The following EFR3A variants were observed in gnomAD, a reference collection of about 807,000 sequenced individuals.
The protein encoded by EFR3A is EFR3 homolog A.
Under a neutral mutation model 104.4 loss-of-function variants are expected in EFR3A, and 76 were observed. The ratio of observed to expected loss-of-function variants is 0.73; its 90% CI spans 0.60 to 0.88. The LOEUF is 0.88. EFR3A is among the 40% of genes least tolerant of loss of function. The pLI is 0.00. For missense variants in EFR3A, 985 were observed against 1,012.5 expected, an observed-to-expected ratio of 0.97 and a Z score of 0.37; for synonymous variants, 330 against 330.0, an observed-to-expected ratio of 1.00 and a Z score of 0.00.
chr8:131,980,221 C>T (rs1428003605), intron 14 of EFR3A, among the ~76,000 whole-genome samples: 1 of 152,054 alleles, frequency 6.6e-6, no homozygotes, highest in Non-Finnish European at 1.5e-5. Flanking sequence ...TGCCTCTTTA[C>T]TAGACCATGC....
At chr8:131,966,835 C>T (rs1484912041) in intron 8 of EFR3A, among the ~76,000 whole-genome samples, 1 of 152,158 alleles carries the variant, frequency 6.6e-6, no homozygotes, top group Non-Finnish European at 1.5e-5. Context: ...AATGAAACCT[C>T]AGTACACATG....
chr8:131,958,705 C>G (rs1463192535), intron 7 of EFR3A, among the ~76,000 whole-genome samples: 2 of 151,978 alleles, frequency 1.3e-5, no homozygotes, highest in African/African-American at 4.8e-5. Flanking sequence ...TCAGGATGTG[C>G]TGTTTATTAG....
At chr8:131,919,469 CG>C (rs1335833434) in intron 1 of EFR3A, among the ~76,000 whole-genome samples, 1 of 151,666 alleles carries the variant, frequency 6.6e-6, no homozygotes. Flanking sequence ...TGGTGGCGGG[CG>C]CCCACTACTC....
intron 1 of EFR3A, among the ~76,000 whole-genome samples, chr8:131,905,769 A>G (rs538582190): frequency 6.6e-6 from 1 of 152,310 alleles, no homozygotes; most frequent in East Asian, 1.9e-4. Context: ...CTAATCTTTT[A>G]TTTTCTGAGA....
In EFR3A at chr8:131,923,509, T is replaced by TG. The variant is rs1459427738; in HGVS notation, c.11-16990_11-16989insG. ...CTGGGAAAATGTCAGGGTGTTTTTT[T>TG]TTTTTTTTTTTGACAAATTGGAAAT... On this transcript the variant is annotated intron_variant, in intron 1 of 22. Coordinates refer to ENST00000254624, the MANE Select transcript of EFR3A (RefSeq NM_015137.6). Among the ~76,000 whole-genome samples, 273 of 151,872 alleles carry TG rather than the reference T, an allele frequency of 1.8e-3. 2 individuals carry two copies. Among genetic ancestry groups the TG allele is most frequent in the African/African-American group, 6.4e-3 (265 of 41,484 alleles).
At chr8:131,957,851 C>A (rs1819093404) in intron 7 of EFR3A, among the ~76,000 whole-genome samples, 1 of 152,080 alleles carries the variant, frequency 6.6e-6, no homozygotes. Flanking sequence ...GCACAAGACA[C>A]TGATATTGTT....
chr8:131,935,539 C>T (rs16904553), intron 1 of EFR3A: 80,415 of 437,906 alleles, frequency 0.18, 8,353 homozygotes, highest in East Asian at 0.33. Flanking sequence ...ATATGTCAGT[C>T]AATTTCTATT....
At chr8:131,988,095 G>A (rs1022146137) in intron 18 of EFR3A, among the ~76,000 whole-genome samples, 1 of 151,996 alleles carries the variant, frequency 6.6e-6, no homozygotes, top group African/African-American at 2.4e-5. Context: ...TTCGTTATTT[G>A]AAAGAGTACA....
intron 1 of EFR3A, among the ~76,000 whole-genome samples, chr8:131,930,261 C>G (rs949397600): frequency 1.3e-5 from 2 of 152,000 alleles, no homozygotes; most frequent in Admixed American, 1.3e-4. Flanking sequence ...GTTTTAGAGC[C>G]TACTAGGTTC....
At chr8:131,908,223 G>A (rs1420453439) in intron 1 of EFR3A, among the ~76,000 whole-genome samples, 1 of 151,930 alleles carries the variant, frequency 6.6e-6, no homozygotes, top group Non-Finnish European at 1.5e-5. Flanking sequence ...ACCACGCCCG[G>A]CTAATTTTTT....
At chr8:131,991,005 C>T (rs1308878997) in intron 18 of EFR3A, among the ~76,000 whole-genome samples, 1 of 152,092 alleles carries the variant, frequency 6.6e-6, no homozygotes, top group African/African-American at 2.4e-5. Context: ...AGTCCATTTT[C>T]ACACTGCTGA....
intron 1 of EFR3A, among the ~76,000 whole-genome samples, chr8:131,929,788 T>G (rs1468792626): frequency 6.6e-6 from 1 of 152,270 alleles, no homozygotes; most frequent in East Asian, 1.9e-4. Context: ...CAGTTTCACC[T>G]GTGTCCCTCT....
intron 4 of EFR3A, 34 bp downstream of exon 4, chr8:131,946,667 T>C (rs753674284): frequency 6.7e-7 from 1 of 1,486,654 alleles, no homozygotes; most frequent in African/African-American, 1.4e-5. Flanking sequence ...AAATGTATGC[T>C]TAATTAGCAT....
intron 1 of EFR3A, among the ~76,000 whole-genome samples, chr8:131,930,552 TTACTATACTTGAAA>T (rs1817543996): frequency 6.6e-6 from 1 of 151,968 alleles, no homozygotes; most frequent in Admixed American, 6.6e-5. Flanking sequence ...CACTTTTCCT[TTACTATACTTGAAA>T]TACTTGGCTT....
intron 18 of EFR3A, among the ~76,000 whole-genome samples, chr8:131,994,360 G>A (rs2130785142): frequency 6.6e-6 from 1 of 152,234 alleles, no homozygotes; most frequent in African/African-American, 2.4e-5. Flanking sequence ...AACATTATAG[G>A]TGTGTCTGGG....
rs184096289 is a variant in EFR3A at position 131,970,362 on chromosome 8, G to A, written c.992-114G>A. 7.6e-4 allele frequency: 722 copies of A among 955,444 alleles called. 4 individuals are homozygous for A. The African/African-American group carries it at 0.01, about 14-fold the overall frequency. The allele number at this position is 955,444 out of a possible 1,614,324, so 59.2% of individuals were successfully genotyped here. On this transcript the variant is annotated intron_variant, in intron 9 of 22. Transcript: ENST00000254624. ...AATGAAATAGTTTATAAATTACTAT[G>A]GATTTCTGACTATTTAGAAAATTAC...
chr8:131,986,143 T>A, intron 16 of EFR3A, 51 bp from the exon 17 acceptor site: 1 of 912,696 alleles, frequency 1.1e-6, no homozygotes, highest in Non-Finnish European at 1.8e-6. Context: ...TATAGCAAGG[T>A]ACTGAGGGGT....
At chr8:131,962,591 C>T (rs910709946) in intron 8 of EFR3A, among the ~76,000 whole-genome samples, 2 of 152,182 alleles carry the variant, frequency 1.3e-5, no homozygotes, top group African/African-American at 2.4e-5. Context: ...GAGACGTAGA[C>T]TCCCACACAA....
intron 19 of EFR3A, among the ~76,000 whole-genome samples, chr8:131,998,793 A>G (rs1191662767): frequency 6.6e-6 from 1 of 152,044 alleles, no homozygotes; most frequent in Non-Finnish European, 1.5e-5. Flanking sequence ...GGTAAAAGGT[A>G]TTTTTAGAGA....
Sources: allele counts gnomAD v4.1 joint callset (sites outside exome capture counted in the v4.1 genomes callset), GRCh38; gene constraint gnomAD v4.1.1; transcripts MANE v1.5; gene names NCBI Gene and HGNC (gene_info 2026-07-23, HGNC 2026-07-21).